Variants in SCIN observed in about 807,000 individuals in gnomAD.
The protein encoded by SCIN is scinderin, also known as adseverin.
Under a neutral mutation model 91.8 loss-of-function variants are expected in SCIN, and 91 were observed. The ratio of observed to expected loss-of-function variants is 0.99; its 90% CI spans 0.84 to 1.18. SCIN has a LOEUF of 1.18. Ranked by LOEUF, SCIN falls within the 50% of genes most tolerant of loss-of-function variation. The probability of loss-of-function intolerance (pLI) is 0.00; values close to 1 mark genes in which losing one functional copy is unlikely to be tolerated. For missense variants in SCIN, 1,087 were observed against 863.9 expected, an observed-to-expected ratio of 1.26 and a Z score of -3.24; for synonymous variants, 367 against 312.6, an observed-to-expected ratio of 1.17 and a Z score of -1.84.
chr7:12,601,233 C>G (rs1411658391), intron 3 of SCIN, among the ~76,000 whole-genome samples: 1 of 152,080 alleles, frequency 6.6e-6, no homozygotes, highest in African/African-American at 2.4e-5. Context: ...CTATTGCAAG[C>G]CTACTTTGTT....
chr7:12,596,263 T>A (rs1209541636), intron 3 of SCIN: 1 of 422,614 alleles, frequency 2.4e-6, no homozygotes, highest in Non-Finnish European at 4.8e-6. Flanking sequence ...TTTCTTCCTT[T>A]TTCCAGTGGC....
intron 13 of SCIN, among the ~76,000 whole-genome samples, chr7:12,648,167 T>C (rs1784002807): frequency 6.6e-6 from 1 of 152,098 alleles, no homozygotes; most frequent in African/African-American, 2.4e-5. Flanking sequence ...TAACTATAAT[T>C]TAACACAATT....
chr7:12,644,834 G>A (rs1783928492), intron 13 of SCIN, 129 bp downstream of exon 13: 1 of 771,472 alleles, frequency 1.3e-6, no homozygotes, highest in African/African-American at 1.8e-5. Flanking sequence ...TGACCAACAT[G>A]TAGAAACCGT....
chr7:12,633,302 G>A (rs1032451175), intron 9 of SCIN, among the ~76,000 whole-genome samples: 1 of 152,172 alleles, frequency 6.6e-6, no homozygotes, highest in Non-Finnish European at 1.5e-5. Flanking sequence ...TGAATCTCTT[G>A]AAGTAGTAAC....
intron 3 of SCIN, among the ~76,000 whole-genome samples, chr7:12,581,761 G>A (rs1387528448): frequency 6.6e-6 from 1 of 152,122 alleles, no homozygotes; most frequent in African/African-American, 2.4e-5. Flanking sequence ...TCTGACTTAT[G>A]TTTTCTTCCT....
intron 4 of SCIN, among the ~76,000 whole-genome samples, chr7:12,617,362 C>A (rs1353312745): frequency 6.6e-6 from 1 of 152,100 alleles, no homozygotes; most frequent in African/African-American, 2.4e-5. Flanking sequence ...CCAGCTCAGC[C>A]TGCCTGATCC....
Position 12,651,165 on chromosome 7 carries a change from G to A in SCIN, c.1960-676G>A, listed in dbSNP as rs1784071284. Among the ~76,000 whole-genome samples the A allele has an allele frequency of 6.6e-6, 1 of 152,208 alleles. No homozygotes were observed. The highest frequency in any genetic ancestry group is 2.4e-5 in the African/African-American group (1 of 41,446). On this transcript the variant is annotated intron_variant, in intron 14 of 15. Transcript: ENST00000297029. The surrounding 1 kb of genome is among the most constrained non-coding windows in gnomAD (Gnocchi z 5.9). ...TTACAGAAAGAATGGGGGATTGCAG[G>A]ATGGCAAAACTGGTTATGGGAGGGA...
At chr7:12,638,041 G>T (rs1297655924) in intron 10 of SCIN, among the ~76,000 whole-genome samples, 1 of 152,142 alleles carries the variant, frequency 6.6e-6, no homozygotes, top group African/African-American at 2.4e-5. Context: ...AAGTTCAACT[G>T]CTCCTCCTTT....
chr7:12,627,376 GA>G (rs1783548841), intron 8 of SCIN, among the ~76,000 whole-genome samples: 1 of 152,000 alleles, frequency 6.6e-6, no homozygotes, highest in African/African-American at 2.4e-5. Context: ...CCTTTTCTGA[GA>G]AGGCTTCCCT....
intron 4 of SCIN, among the ~76,000 whole-genome samples, chr7:12,613,586 A>C (rs1335803646): frequency 6.6e-6 from 1 of 152,158 alleles, no homozygotes; most frequent in East Asian, 1.9e-4. Context: ...TGTGCTTCCA[A>C]GTACTGTTTT....
rs750244550 is a variant in SCIN at position 12,657,530 on chromosome 7, A to ATGTG, written c.*4821_*4824dup. ...GGACACGAATTTTTAAGTTTTATAT[A>ATGTG]TGTGTGTGTATATATATATATATAT... is the stretch of plus-strand genomic sequence containing the variant. On this transcript the variant is annotated 3_prime_UTR_variant, in exon 16 of 16. Transcript: ENST00000297029. 3.0e-4 allele frequency: 25 copies of ATGTG among 82,662 alleles called. No individual in the cohort carries two copies. Among genetic ancestry groups the ATGTG allele is most frequent in the Non-Finnish European group, 2.8e-4 (12 of 42,756 alleles). 5.1% of individuals were successfully genotyped at this position (82,662 alleles called of 1,614,324 possible). A position where few individuals can be genotyped will look rare whatever the true frequency, so the allele number is the denominator to read the frequency against.
At chr7:12,588,639 A>G (rs368397186) in intron 3 of SCIN, among the ~76,000 whole-genome samples, 1 of 151,812 alleles carries the variant, frequency 6.6e-6, no homozygotes, top group South Asian at 2.1e-4. Flanking sequence ...CCAGGTTACA[A>G]TATAGGAATT....
At position 12,572,826 on chromosome 7, in the gene SCIN, T is replaced by C. The variant is rs997352670; in HGVS notation, c.199+1841T>C. On this transcript the variant is annotated intron_variant, in intron 1 of 15. Transcript: ENST00000297029. ...ATAACAAGCAAATTCATTCAGTAAT[T>C]ATTCAATATGGCCAGTACTGTACAA... Among the ~76,000 whole-genome samples the C allele has an allele frequency of 2.6e-5, 4 of 152,244 alleles. 1 individual carries two copies. Among genetic ancestry groups the C allele is most frequent in the African/African-American group, 9.6e-5 (4 of 41,466 alleles).
chr7:12,588,437 G>A (rs370431990), intron 3 of SCIN, among the ~76,000 whole-genome samples: 1 of 152,072 alleles, frequency 6.6e-6, no homozygotes, highest in South Asian at 2.1e-4. Flanking sequence ...AATGGATGAG[G>A]GCGCTGTAAG....
At chr7:12,628,652 G>T (rs1382576589) in intron 8 of SCIN, among the ~76,000 whole-genome samples, 1 of 151,968 alleles carries the variant, frequency 6.6e-6, no homozygotes, top group Non-Finnish European at 1.5e-5. Context: ...TTTAGTATTT[G>T]GTCACAGTCT....
intron 4 of SCIN, among the ~76,000 whole-genome samples, chr7:12,614,197 A>G (rs1314413791): frequency 2.0e-5 from 3 of 152,198 alleles, no homozygotes; most frequent in Admixed American, 1.3e-4. Flanking sequence ...GTGTTCTACA[A>G]GGGTAAATGT....
chr7:12,633,288 A>G (rs1583313411), intron 9 of SCIN, among the ~76,000 whole-genome samples: 1 of 152,360 alleles, frequency 6.6e-6, no homozygotes, highest in Middle Eastern at 3.4e-3. Context: ...ACAGATGACA[A>G]TGATGAATCT....
intron 3 of SCIN, among the ~76,000 whole-genome samples, chr7:12,597,196 A>G (rs1185979555): frequency 2.0e-5 from 3 of 152,234 alleles, no homozygotes; most frequent in Non-Finnish European, 4.4e-5. Context: ...TAAAATAAAA[A>G]AGGTTCGTGG....
intron 3 of SCIN, among the ~76,000 whole-genome samples, chr7:12,592,700 A>G (rs1238620398): frequency 1.3e-5 from 2 of 152,068 alleles, no homozygotes; most frequent in African/African-American, 4.8e-5. Context: ...TGATAAGGAA[A>G]GAGTGTGAGA....
Sources: gnomAD v4.1 joint callset for allele counts (sites outside exome capture counted in the v4.1 genomes callset) on GRCh38, gnomAD v4.1.1 for gene constraint, Gnocchi (gnomAD v3.1) non-coding constraint, MANE v1.5 for transcripts, NCBI Gene and HGNC (gene_info 2026-07-23, HGNC 2026-07-21) for gene names.